Variants in CASP2 observed in about 807,000 individuals in gnomAD.
The protein encoded by CASP2 is caspase-2.
In CASP2, 38 loss-of-function variants were observed where a neutral mutation model predicts 54.4. The observed-to-expected ratio is 0.70, with a 90% CI of 0.54 to 0.92. CASP2 has a LOEUF of 0.92. CASP2 is among the 40% of genes least tolerant of loss of function. CASP2 has a pLI of 0.00. For synonymous variants in CASP2, 215 were observed against 216.3 expected (o/e 0.99, Z 0.05); for missense variants, 512 against 579.6 (o/e 0.88, Z 1.20).
In CASP2 at chr7:143,305,092, C is replaced by T. The variant is rs868438307; in HGVS notation, c.*21C>T. 2 of 1,614,148 alleles carry T rather than the reference C, an allele frequency of 1.2e-6. No individual in the cohort carries two copies. Among genetic ancestry groups the T allele is most frequent in the Non-Finnish European group, 1.7e-6 (2 of 1,180,012 alleles). ...CATGATGTCACCTCCCCATCATCCA[C>T]GCCAAGTGGAAGCCACTGGACCACA... On this transcript the variant is annotated 3_prime_UTR_variant, in exon 11 of 11. Coordinates refer to ENST00000310447, the MANE Select transcript of CASP2 (RefSeq NM_032982.4).
At chr7:143,288,594 C>A in intron 1 of CASP2, 65 bp downstream of exon 1, 1 of 1,432,622 alleles carries the variant, frequency 7.0e-7, no homozygotes, top group Non-Finnish European at 9.7e-7. Flanking sequence ...GGCCCCCAGG[C>A]GTGCGGCCCT....
rs1410375298 is a variant in CASP2 at position 143,305,074 on chromosome 7, T to C, written c.*3T>C. ...TCCCAGGACACCCTCCCACATGATG[T>C]CACCTCCCCATCATCCACGCCAAGT... is the stretch of plus-strand genomic sequence containing the variant. On this transcript the variant is annotated 3_prime_UTR_variant, in exon 11 of 11. Transcript: ENST00000310447. The C allele has an allele frequency of 6.2e-7, 1 of 1,614,204 alleles. No homozygotes were observed. The highest frequency in any genetic ancestry group is 1.7e-5 in the Admixed American group (1 of 60,034).
chr7:143,299,991 G>GT lies in CASP2; in HGVS notation c.816_817insT (p.Ala273CysfsTer29). On this transcript the variant is annotated frameshift_variant, in exon 7 of 11. Transcript: ENST00000310447. LOFTEE classifies it high-confidence loss of function. ...ACCGAGTCACGGACTCCTGCATCGT[G>GT]GCACTCCTCTCGCATGGTGTGGAGG... 6.2e-7 allele frequency: 1 copy of GT among 1,614,082 alleles called. No individual in the cohort carries two copies. The highest frequency in any genetic ancestry group is 1.1e-5 in the South Asian group (1 of 91,068).
At chr7:143,288,888 A>C (rs1801469377) in intron 1 of CASP2, among the ~76,000 whole-genome samples, 1 of 151,980 alleles carries the variant, frequency 6.6e-6, no homozygotes, top group Non-Finnish European at 1.5e-5. Context: ...AAAAGACCAT[A>C]CTCTGTCTCC....
At chr7:143,300,645 T>C in intron 8 of CASP2, 1 of 1,282,322 alleles carries the variant, frequency 7.8e-7, no homozygotes, top group Admixed American at 3.0e-5. Context: ...TTACGGATTT[T>C]TGATCTGTCT....
rs1456687495 is a variant in CASP2, at chr7:143,307,204, T to C, written c.*2133T>C. 4 of 152,220 alleles carry C rather than the reference T, an allele frequency of 2.6e-5. No homozygotes were observed. The highest frequency in any genetic ancestry group is 5.9e-5 in the Non-Finnish European group (4 of 68,060). 9.4% of individuals were successfully genotyped at this position (152,220 alleles called of 1,614,324 possible). Reference sequence around the variant, plus strand: ...TGCTACTTTTACTTGTTCATTTCTGTCTCCCCTACCAGGCTGTAAATGAGG... The same window carrying C: ...TGCTACTTTTACTTGTTCATTTCTGCCTCCCCTACCAGGCTGTAAATGAGG... On this transcript the variant is annotated 3_prime_UTR_variant, in exon 11 of 11. Coordinates refer to ENST00000310447, the MANE Select transcript of CASP2 (RefSeq NM_032982.4).
intron 1 of CASP2, among the ~76,000 whole-genome samples, chr7:143,291,300 A>T (rs1315283281): frequency 6.6e-6 from 1 of 152,252 alleles, no homozygotes; most frequent in Non-Finnish European, 1.5e-5. Context: ...TCCTCTAGTC[A>T]GACCATTCAT....
At position 143,305,059 on chromosome 7, in the gene CASP2, C is replaced by T. The variant is rs926943545; in HGVS notation, c.1347C>T (p.His449=). The T allele has an allele frequency of 4.3e-6, 7 of 1,614,108 alleles. No individual in the cohort carries two copies. Among genetic ancestry groups the T allele is most frequent in the African/African-American group, 1.3e-5 (1 of 74,934 alleles). The change falls in exon 11 of 11, where the codon CAC becomes CAT. Residue 449 remains histidine, a synonymous_variant. Coordinates refer to ENST00000310447, the MANE Select transcript of CASP2 (RefSeq NM_032982.4). The part of the protein sequence containing the change: ...LCRHLYLFPG[H]PPT ...GCCACCTCTACCTGTTCCCAGGACA[C>T]CCTCCCACATGATGTCACCTCCCCA...
At position 143,302,716 on chromosome 7, in the gene CASP2, T is replaced by G. The variant is rs960453862; in HGVS notation, c.968-1068T>G. ...CAGGAAGTACTGTAAAAGAGCATAC[T>G]CTTACTTTTGATGTGTTGACCTGAG... is the stretch of plus-strand genomic sequence containing the variant. On this transcript the variant is annotated intron_variant, in intron 8 of 10. Transcript: ENST00000310447. 5 of 152,224 alleles carry G rather than the reference T, an allele frequency of 3.3e-5. No individual in the cohort carries two copies. In the East Asian group the frequency reaches 9.6e-4, roughly 29 times the overall value. 9.4% of individuals were successfully genotyped at this position (152,224 alleles called of 1,614,324 possible). A position where few individuals can be genotyped will look rare whatever the true frequency, so the allele number is the denominator to read the frequency against.
chr7:143,292,018 T>C (rs1257641683), intron 2 of CASP2, among the ~76,000 whole-genome samples: 2 of 151,798 alleles, frequency 1.3e-5, no homozygotes, highest in East Asian at 1.9e-4. Context: ...GACCTCATGA[T>C]CCACCTGCCT....
At position 143,294,237 on chromosome 7, in the gene CASP2, G is replaced by A. The variant is rs543825304; in HGVS notation, c.483G>A (p.Val161=). The change falls in exon 5 of 11, where the codon GTG becomes GTA. Residue 161 remains valine (V), a synonymous_variant. Transcript: ENST00000310447. The part of the protein sequence containing the change: ...YKKLRLSTDT[V]EHSLDNKDGP... Reference sequence around the variant, plus strand: ...TTTCTGTCTATACCACAGATACTGTGGAACACTCCCTAGACAATAAAGATG... The same window carrying A: ...TTTCTGTCTATACCACAGATACTGTAGAACACTCCCTAGACAATAAAGATG... 7 of 1,599,444 alleles carry A rather than the reference G, an allele frequency of 4.4e-6. No individual in the cohort carries two copies. The South Asian group carries it at 7.7e-5, about 18-fold the overall frequency.
In CASP2 at chr7:143,294,221, A is replaced by C. The variant is rs950853995; in HGVS notation, c.476-9A>C. On this transcript the variant is annotated splice_polypyrimidine_tract_variant and intron_variant, in intron 4 of 10. Coordinates refer to ENST00000310447, the MANE Select transcript of CASP2 (RefSeq NM_032982.4). ...ATACTAGTTTTTTGGTTTTCTGTCT[A>C]TACCACAGATACTGTGGAACACTCC... 6.5e-7 allele frequency: 1 copy of C among 1,549,926 alleles called. No individual in the cohort carries two copies. The highest frequency in any genetic ancestry group is 1.7e-5 in the Admixed American group (1 of 59,926).
In CASP2 at chr7:143,296,983, G is replaced by A. The variant is rs938787430; in HGVS notation, c.747+2210G>A. On this transcript the variant is annotated intron_variant, in intron 6 of 10. Transcript: ENST00000310447. ...TATGATTTACCCTATGTTAGGAAAC[G>A]TACTCTTCAAAGTGGAAATTTCCTT... is the stretch of plus-strand genomic sequence containing the variant. 3.3e-5 allele frequency among the ~76,000 whole-genome samples: 5 copies of A among 152,220 alleles called. No homozygotes were observed. The East Asian group carries it at 7.7e-4, about 24-fold the overall frequency.
rs1302673995 is a variant in CASP2 at position 143,306,740 on chromosome 7, C to T, written c.*1669C>T. The T allele has an allele frequency of 1.3e-5, 2 of 152,142 alleles. No individual in the cohort carries two copies. The highest frequency in any genetic ancestry group is 2.9e-5 in the Non-Finnish European group (2 of 68,046). 9.4% of individuals were successfully genotyped at this position (152,142 alleles called of 1,614,324 possible). The stretch of plus-strand genomic sequence containing the variant: ...CGAACTCCTGGCCTCAAGCCATCTT[C>T]CCGCCTCAGCCTCTCAAATAGCTGG... On this transcript the variant is annotated 3_prime_UTR_variant, in exon 11 of 11. Transcript: ENST00000310447.
intron 6 of CASP2, among the ~76,000 whole-genome samples, chr7:143,297,437 A>G (rs1195127119): frequency 6.6e-6 from 1 of 152,006 alleles, no homozygotes; most frequent in East Asian, 1.9e-4. Context: ...CCAGGTATAT[A>G]ATTTTTGTTT....
In CASP2 at chr7:143,294,668, A is replaced by G. The variant is rs773361275; in HGVS notation, c.642A>G (p.Lys214=). The stretch of plus-strand genomic sequence containing the variant: ...GCAATGTGCACTTCACTGGAGAGAA[A>G]GAACTGGAATTTCGCTCTGGAGGGG... ...VLSNVHFTGE[K]ELEFRSGGDV... is the part of the protein sequence containing the mutation. The change falls in exon 6 of 11, where the codon AAA becomes AAG. Residue 214 remains lysine (K), a synonymous_variant. Transcript: ENST00000310447. 6.2e-7 allele frequency: 1 copy of G among 1,614,226 alleles called. No individual in the cohort carries two copies.
rs184691920 is a variant in CASP2 at position 143,304,900 on chromosome 7, G to A, written c.1228-40G>A. ...CCCGTTTGCTGCTCTCCTGAAGCCC[G>A]AGATTCTCAGACTTGGGCCTATTGG... On this transcript the variant is annotated intron_variant, in intron 10 of 10. Transcript: ENST00000310447. 5.9e-4 allele frequency: 949 copies of A among 1,614,068 alleles called. 5 individuals are homozygous for A. Among genetic ancestry groups the A allele is most frequent in the African/African-American group, 8.0e-5 (6 of 75,046 alleles).
chr7:143,305,055 G>C lies in CASP2; in HGVS notation c.1343G>C (p.Gly448Ala). 1.9e-6 allele frequency: 3 copies of C among 1,614,174 alleles called. No homozygotes were observed. Among genetic ancestry groups the C allele is most frequent in the Non-Finnish European group, 1.7e-6 (2 of 1,180,038 alleles). ...TLCRHLYLFP[G>A]HPPT ...TGCCGCCACCTCTACCTGTTCCCAGGACACCCTCCCACATGATGTCACCTC... is the reference window on the plus strand; with the variant it reads ...TGCCGCCACCTCTACCTGTTCCCAGCACACCCTCCCACATGATGTCACCTC... Residue 448 changes from glycine to alanine, a missense_variant, in exon 11 of 11, where the codon GGA becomes GCA. This residue lies in a region of CASP2 where 417 missense variants were observed against 495.4 expected (regional missense o/e 0.84). Transcript: ENST00000310447.
In CASP2 at chr7:143,288,534, G is replaced by A; in HGVS notation, c.74+5G>A. 6.2e-7 allele frequency: 1 copy of A among 1,612,722 alleles called. No homozygotes were observed. Among genetic ancestry groups the A allele is most frequent in the Non-Finnish European group, 8.5e-7 (1 of 1,179,194 alleles). ...GGCCGCTGACAGGGGACGCAGGTAA[G>A]TAGGGAACGGTCTTAGGGCTCCTTA... On this transcript the variant is annotated splice_donor_5th_base_variant and intron_variant, in intron 1 of 10. Coordinates refer to ENST00000310447, the MANE Select transcript of CASP2 (RefSeq NM_032982.4).
Sources: gnomAD v4.1 joint callset for allele counts (sites outside exome capture counted in the v4.1 genomes callset) on GRCh38, gnomAD v4.1.1 for gene constraint, gnomAD v4.1.1 regional missense constraint, MANE v1.5 for transcripts, NCBI Gene and HGNC (gene_info 2026-07-23, HGNC 2026-07-21) for gene names.